Variants in MTSS1 observed in about 807,000 individuals in gnomAD.
MTSS1 encodes MTSS I-BAR domain containing 1.
A neutral mutation model predicts 79.0 loss-of-function variants in MTSS1; 18 were observed. The ratio of observed to expected loss-of-function variants is 0.23; its 90% CI spans 0.16 to 0.34. The LOEUF (loss-of-function observed/expected upper bound fraction) is 0.34. Ranked by LOEUF, MTSS1 falls within the 10% of genes least tolerant of loss-of-function variation. The pLI is 1.00. For synonymous variants in MTSS1, 341 were observed against 368.6 expected (o/e 0.93, Z 0.86); for missense variants, 815 against 986.2 (o/e 0.83, Z 2.33).
intron 3 of MTSS1, among the ~76,000 whole-genome samples, chr8:124,627,658 G>A (rs544684109): frequency 3.1e-4 from 47 of 152,164 alleles, no homozygotes; most frequent in African/African-American, 1.1e-3. Flanking sequence ...AGCCCTGGGA[G>A]ATGGCCAGGG....
intron 3 of MTSS1, among the ~76,000 whole-genome samples, chr8:124,624,522 A>T (rs550330586): frequency 6.6e-6 from 1 of 150,888 alleles, no homozygotes; most frequent in Non-Finnish European, 1.5e-5. Flanking sequence ...TGGCAGCTCC[A>T]GAGTAATGAC....
chr8:124,666,455 G>A (rs2134506728), intron 3 of MTSS1, among the ~76,000 whole-genome samples: 1 of 152,210 alleles, frequency 6.6e-6, no homozygotes, highest in East Asian at 1.9e-4. Context: ...GGAAACACAG[G>A]AACAAAGACA....
chr8:124,670,336 G>C (rs796635470), intron 3 of MTSS1, among the ~76,000 whole-genome samples: 5 of 151,174 alleles, frequency 3.3e-5, no homozygotes, highest in African/African-American at 1.2e-4. Flanking sequence ...ACAAACAAAA[G>C]GGACTAGTGG....
At chr8:124,652,453 A>T (rs546924732) in intron 3 of MTSS1, among the ~76,000 whole-genome samples, 1 of 152,270 alleles carries the variant, frequency 6.6e-6, no homozygotes, top group African/African-American at 2.4e-5. Flanking sequence ...GGAATGAGCC[A>T]CCATGCCCAG....
intron 3 of MTSS1, among the ~76,000 whole-genome samples, chr8:124,603,303 G>A (rs972830589): frequency 3.3e-5 from 5 of 152,128 alleles, no homozygotes; most frequent in African/African-American, 1.2e-4. Context: ...TGGGATTACA[G>A]GTGTGAGCCA....
At chr8:124,725,575 G>A (rs1833581625) in intron 1 of MTSS1, among the ~76,000 whole-genome samples, 1 of 152,134 alleles carries the variant, frequency 6.6e-6, no homozygotes, top group South Asian at 2.1e-4. Context: ...AAACAGATAG[G>A]AGACCAAAGG....
intron 5 of MTSS1, among the ~76,000 whole-genome samples, chr8:124,586,735 C>T (rs531360681): frequency 6.6e-6 from 1 of 152,338 alleles, no homozygotes; most frequent in African/African-American, 2.4e-5. Flanking sequence ...CCTGTGCAGA[C>T]AGGCCACTTA....
chr8:124,605,611 G>GCTGCCTCCCTCCCTGCCCTCT (rs1563843010), intron 3 of MTSS1, among the ~76,000 whole-genome samples: 24 of 109,538 alleles, frequency 2.2e-4, no homozygotes, highest in Non-Finnish European at 3.3e-4. Context: ...CCCTGCCCTC[G>GCTGCCTCCCTCCCTGCCCTCT]CGCTGCCTCC....
At chr8:124,720,615 T>C (rs1453324758) in intron 1 of MTSS1, among the ~76,000 whole-genome samples, 1 of 152,194 alleles carries the variant, frequency 6.6e-6, no homozygotes, top group Non-Finnish European at 1.5e-5. Flanking sequence ...CAGCTGACCT[T>C]TGTAATGAAC....
chr8:124,689,746 C>CA (rs35782850), intron 3 of MTSS1, among the ~76,000 whole-genome samples: 2,367 of 94,184 alleles, frequency 0.025, 90 homozygotes, highest in African/African-American at 0.085. Flanking sequence ...AACTCCATCT[C>CA]AAAAAAAAAA....
chr8:124,566,802 C>G (rs766720977), intron 8 of MTSS1, among the ~76,000 whole-genome samples: 80 of 152,196 alleles, frequency 5.3e-4, no homozygotes, highest in Non-Finnish European at 9.8e-4. Context: ...GACTCCATCT[C>G]TCAGTGCCTC....
intron 3 of MTSS1, among the ~76,000 whole-genome samples, chr8:124,610,714 T>C (rs2133260356): frequency 1.3e-5 from 2 of 152,308 alleles, no homozygotes; most frequent in Middle Eastern, 6.8e-3. Context: ...GGGAGCTTTC[T>C]TCAATCATCC....
intron 8 of MTSS1, among the ~76,000 whole-genome samples, chr8:124,566,529 G>A (rs1397688289): frequency 6.6e-6 from 1 of 152,238 alleles, no homozygotes; most frequent in Non-Finnish European, 1.5e-5. Context: ...TAGTGTGCGT[G>A]TGATGTGAAT....
At chr8:124,571,451 G>T (rs960267932) in intron 6 of MTSS1, among the ~76,000 whole-genome samples, 2 of 152,176 alleles carry the variant, frequency 1.3e-5, no homozygotes, top group African/African-American at 4.8e-5. Context: ...GGGCCTTGTT[G>T]GGTCACATGA....
intron 6 of MTSS1, among the ~76,000 whole-genome samples, chr8:124,574,795 G>A (rs897790144): frequency 1.2e-4 from 18 of 152,112 alleles, no homozygotes; most frequent in Admixed American, 2.6e-4. Context: ...TTCTTTCTTC[G>A]GAGAGAGGTG....
intron 3 of MTSS1, among the ~76,000 whole-genome samples, chr8:124,634,971 A>G (rs1024976036): frequency 6.6e-6 from 1 of 152,346 alleles, no homozygotes; most frequent in Non-Finnish European, 1.5e-5. Flanking sequence ...GTCTTAATGC[A>G]CTTTTTGTTT....
intron 1 of MTSS1, among the ~76,000 whole-genome samples, chr8:124,714,469 T>C (rs1831625244): frequency 6.6e-6 from 1 of 152,174 alleles, no homozygotes; most frequent in Admixed American, 6.5e-5. Flanking sequence ...TTTTTGTTTT[T>C]GTTTTTGTTT....
chr8:124,714,218 A>C lies in MTSS1; in HGVS notation c.73-10027T>G, dbSNP rs566904265. Among the ~76,000 whole-genome samples the C allele has an allele frequency of 4.6e-5, 7 of 152,324 alleles. No individual in the cohort carries two copies. The South Asian group carries it at 1.5e-3, about 32-fold the overall frequency. On this transcript the variant is annotated intron_variant, in intron 1 of 13. Transcript: ENST00000518547. ...TAAACTGACGTCATGATGGGCACTG[A>C]AGGCACCGCCTCACATGTATGCTGT...
chr8:124,727,869 C>A lies in MTSS1; in HGVS notation c.72+15G>T, dbSNP rs773480332. ...CGCGGCGGCCGGCGCCGCAGCCGCA[C>A]CCCCGGCGTCCTACCTTCATGTCGC... is the stretch of plus-strand genomic sequence containing the variant. On this transcript the variant is annotated intron_variant, in intron 1 of 13. Transcript: ENST00000518547. The surrounding 1 kb of genome is among the most constrained non-coding windows in gnomAD (Gnocchi z 4.7). The A allele has an allele frequency of 1.9e-6, 3 of 1,579,578 alleles. No homozygotes were observed. The highest frequency in any genetic ancestry group is 2.6e-6 in the Non-Finnish European group (3 of 1,167,008).
Sources: gnomAD v4.1 joint callset for allele counts (sites outside exome capture counted in the v4.1 genomes callset) on GRCh38, gnomAD v4.1.1 for gene constraint, Gnocchi (gnomAD v3.1) non-coding constraint, MANE v1.5 for transcripts, NCBI Gene and HGNC (gene_info 2026-07-23, HGNC 2026-07-21) for gene names.